Variants in LRP1B observed in about 807,000 individuals in gnomAD.
LRP1B encodes LDL receptor related protein 1B.
Under a neutral mutation model 556.6 loss-of-function variants are expected in LRP1B, and 217 were observed. The observed-to-expected ratio is 0.39, with a 90% CI of 0.35 to 0.44. LRP1B has a LOEUF of 0.44. LRP1B is among the 20% of genes least tolerant of loss of function. The pLI, the probability that LRP1B is intolerant of heterozygous loss-of-function variation, is 1.00. For synonymous variants in LRP1B, 2,047 were observed against 1,865.8 expected (o/e 1.10, Z -2.50); for missense variants, 5,053 against 5,620.8 (o/e 0.90, Z 3.23).
At chr2:140,751,148 A>G (rs944862253) in intron 35 of LRP1B, among the ~76,000 whole-genome samples, 2 of 151,956 alleles carry the variant, frequency 1.3e-5, no homozygotes, top group African/African-American at 4.8e-5. Context: ...GCCTGCCATC[A>G]TGCCTGGCTA....
At chr2:140,546,000 T>TTGTGTGTG (rs148045904) in intron 43 of LRP1B, among the ~76,000 whole-genome samples, 3,515 of 142,642 alleles carry the variant, frequency 0.025, 51 homozygotes, top group Non-Finnish European at 0.033. Flanking sequence ...TATTATTAGG[T>TTGTGTGTG]TGTGTGTGTG....
chr2:140,261,922 G>A (rs1203429981), intron 86 of LRP1B, among the ~76,000 whole-genome samples: 1 of 151,826 alleles, frequency 6.6e-6, no homozygotes, highest in Non-Finnish European at 1.5e-5. Flanking sequence ...TAAGGAAGGT[G>A]AATTTAATAC....
chr2:140,315,136 T>G, intron 82 of LRP1B, 37 bp from the exon 83 acceptor site: 15 of 1,385,316 alleles, frequency 1.1e-5, no homozygotes, highest in Non-Finnish European at 1.5e-5. Flanking sequence ...TAGCATGTTT[T>G]CAGGGAGTAA....
chr2:140,931,878 T>C (rs1043838322), intron 20 of LRP1B, among the ~76,000 whole-genome samples: 2 of 152,152 alleles, frequency 1.3e-5, no homozygotes, highest in African/African-American at 4.8e-5. Flanking sequence ...AGAAATCAAG[T>C]TTCCCATTCA....
chr2:141,945,182 T>G (rs530179672), intron 1 of LRP1B, among the ~76,000 whole-genome samples: 1 of 152,312 alleles, frequency 6.6e-6, no homozygotes, highest in South Asian at 2.1e-4. Flanking sequence ...TTCTTTATGC[T>G]TTACATTATG....
rs1314808203 is a variant in LRP1B at position 140,314,565 on chromosome 2, T to A, written c.12805+370A>T. Among the ~76,000 whole-genome samples, 3 of 152,074 alleles carry A rather than the reference T, an allele frequency of 2.0e-5. No individual in the cohort carries two copies. In the East Asian group the frequency reaches 5.8e-4, roughly 29 times the overall value. Reference sequence around the variant, plus strand: ...CATTTAAAATAATCCTAATTTTCAATAACAATTGATTTTTAGCATTAGGAA... The same window carrying A: ...CATTTAAAATAATCCTAATTTTCAAAAACAATTGATTTTTAGCATTAGGAA... On this transcript the variant is annotated intron_variant, in intron 83 of 90. Coordinates refer to ENST00000389484, the MANE Select transcript of LRP1B (RefSeq NM_018557.3).
At position 140,436,728 on chromosome 2, in the gene LRP1B, T is replaced by C. The variant is rs562544563; in HGVS notation, c.10414+5776A>G. On this transcript the variant is annotated intron_variant, in intron 66 of 90. Transcript: ENST00000389484. ...GGTAGAAAAATGTAAAGTTCCCTTC[T>C]GGATCCTGTGATATTGTGAAAAGAA... Among the ~76,000 whole-genome samples, 17 of 151,990 alleles carry C rather than the reference T, an allele frequency of 1.1e-4. No homozygotes were observed. In the South Asian group the frequency reaches 3.1e-3, roughly 28 times the overall value.
At chr2:141,676,023 T>A (rs1558797744) in intron 2 of LRP1B, among the ~76,000 whole-genome samples, 1 of 152,232 alleles carries the variant, frequency 6.6e-6, no homozygotes, top group East Asian at 1.9e-4. Flanking sequence ...TTAGAGGTGG[T>A]CTTGCTTCTT....
intron 1 of LRP1B, among the ~76,000 whole-genome samples, chr2:141,973,761 G>T (rs1701808600): frequency 6.7e-6 from 1 of 149,074 alleles, no homozygotes. Context: ...CTGTAATATA[G>T]CTTTCAAATA....
At position 140,811,461 on chromosome 2, in the gene LRP1B, AT is replaced by A. The variant is rs533768056; in HGVS notation, c.5359+2195del. 1.4e-4 allele frequency among the ~76,000 whole-genome samples: 21 copies of A among 152,164 alleles called. No homozygotes were observed. In the East Asian group the frequency reaches 3.5e-3, roughly 25 times the overall value. On this transcript the variant is annotated intron_variant, in intron 32 of 90. Transcript: ENST00000389484. ...TTCTACAAGGTAACAATTTTATTATATTTTTTTCCCTTAAAAGTCACCGACT... is the reference window on the plus strand; with the variant it reads ...TTCTACAAGGTAACAATTTTATTATATTTTTTCCCTTAAAAGTCACCGACT...
chr2:140,789,618 CTTTTTTTTTTTTTTT>C (rs756120273), intron 32 of LRP1B, among the ~76,000 whole-genome samples: 7 of 71,750 alleles, frequency 9.8e-5, no homozygotes, highest in Non-Finnish European at 1.6e-4. Context: ...GCTTTAAGGA[CTTTTTTTTTTTTTTT>C]TTTTTTTTTT....
chr2:141,577,100 G>A (rs191274182), intron 2 of LRP1B, among the ~76,000 whole-genome samples: 9 of 152,202 alleles, frequency 5.9e-5, no homozygotes, highest in Non-Finnish European at 1.5e-5. Context: ...AACTAGAACA[G>A]TGATCATTGG....
At chr2:140,643,753 T>G (rs770553492) in intron 41 of LRP1B, among the ~76,000 whole-genome samples, 1 of 152,210 alleles carries the variant, frequency 6.6e-6, no homozygotes, top group Non-Finnish European at 1.5e-5. Flanking sequence ...TAAACTTGAA[T>G]GTACGTAATC....
chr2:140,852,571 G>A (rs892521342), intron 27 of LRP1B, among the ~76,000 whole-genome samples: 10 of 152,042 alleles, frequency 6.6e-5, no homozygotes, highest in African/African-American at 1.9e-4. Context: ...CTTCAAACAC[G>A]TGCTCTTCTT....
intron 5 of LRP1B, among the ~76,000 whole-genome samples, chr2:141,230,462 A>T (rs982530587): frequency 2.6e-5 from 4 of 152,218 alleles, no homozygotes. Context: ...AGCCAGAGTT[A>T]TACCATTAAA....
At chr2:140,778,928 A>G (rs1000082507) in intron 32 of LRP1B, among the ~76,000 whole-genome samples, 3 of 151,990 alleles carry the variant, frequency 2.0e-5, no homozygotes, top group South Asian at 2.1e-4. Context: ...AACTATTAAC[A>G]TTAAAAATAT....
chr2:141,583,231 G>A (rs1430525951), intron 2 of LRP1B, among the ~76,000 whole-genome samples: 1 of 152,074 alleles, frequency 6.6e-6, no homozygotes, highest in East Asian at 1.9e-4. Context: ...AAAATTGTAT[G>A]GAAATCTGGA....
Position 140,588,138 on chromosome 2 carries a change from G to GA in LRP1B, c.7194+10492dup, listed in dbSNP as rs530130687. ...TAAAGAAGAAGCCTGTGAACATCAAGAAAAAAGAAAGAACACTGTGAGCAA... is the reference window on the plus strand; with the variant it reads ...TAAAGAAGAAGCCTGTGAACATCAAGAAAAAAAGAAAGAACACTGTGAGCAA... On this transcript the variant is annotated intron_variant, in intron 43 of 90. Transcript: ENST00000389484. Among the ~76,000 whole-genome samples, 314 of 152,156 alleles carry GA rather than the reference G, an allele frequency of 2.1e-3. 3 individuals carry two copies. The highest frequency in any genetic ancestry group is 7.4e-3 in the African/African-American group (307 of 41,550).
intron 42 of LRP1B, 148 bp downstream of exon 42, chr2:140,601,302 T>C: frequency 1.5e-6 from 1 of 657,884 alleles, no homozygotes. Context: ...TATAATGCTC[T>C]TACATAAAAA....
Sources: gnomAD v4.1 joint callset for allele counts (sites outside exome capture counted in the v4.1 genomes callset) on GRCh38, gnomAD v4.1.1 for gene constraint, MANE v1.5 for transcripts, NCBI Gene and HGNC (gene_info 2026-07-23, HGNC 2026-07-21) for gene names.